Variants in SPAG16 observed in about 807,000 individuals in gnomAD.
SPAG16 encodes the protein sperm-associated antigen 16 protein.
A neutral mutation model predicts 80.4 loss-of-function variants in SPAG16; 86 were observed. That is an observed-to-expected ratio of 1.07 (90% CI 0.90 to 1.28). The LOEUF is 1.28. Among genes scored for constraint, SPAG16 ranks in the 50% most tolerant of loss-of-function variants. The pLI, the probability that SPAG16 is intolerant of heterozygous loss-of-function variation, is 0.00. For missense variants in SPAG16, 870 were observed against 765.3 expected, an observed-to-expected ratio of 1.14 and a Z score of -1.61; for synonymous variants, 294 against 265.9, an observed-to-expected ratio of 1.11 and a Z score of -1.03.
At chr2:214,092,494 A>AAT (rs1261466025) in intron 13 of SPAG16, among the ~76,000 whole-genome samples, 1 of 142,166 alleles carries the variant, frequency 7.0e-6, no homozygotes. Flanking sequence ...TGTTACTATG[A>AAT]ATATATATAT....
rs58408162 is a variant in SPAG16 at position 213,468,487 on chromosome 2, A to C, written c.943-21476A>C. The stretch of plus-strand genomic sequence containing the variant: ...TCTATGTATTTATATATAGATATAT[A>C]TATGTATTTATATATAGATATATAT... On this transcript the variant is annotated intron_variant, in intron 9 of 15. Coordinates refer to ENST00000331683, the MANE Select transcript of SPAG16 (RefSeq NM_024532.5). Among the ~76,000 whole-genome samples, 67 of 104,692 alleles carry C rather than the reference A, an allele frequency of 6.4e-4. 1 individual carries two copies. Among genetic ancestry groups the C allele is most frequent in the African/African-American group, 2.4e-3 (47 of 19,522 alleles). The allele number at this position is 104,692 out of a possible 152,430, so 68.7% of individuals were successfully genotyped here.
At chr2:213,471,772 G>T (rs2125660468) in intron 9 of SPAG16, among the ~76,000 whole-genome samples, 1 of 152,268 alleles carries the variant, frequency 6.6e-6, no homozygotes, top group East Asian at 1.9e-4. Flanking sequence ...GTAACTCGAT[G>T]AATAGGCCAC....
chr2:214,104,251 G>C (rs936832701), intron 13 of SPAG16, among the ~76,000 whole-genome samples: 3 of 152,206 alleles, frequency 2.0e-5, no homozygotes, highest in Non-Finnish European at 4.4e-5. Flanking sequence ...GATGAGGTCA[G>C]ATACAGAGAC....
chr2:214,253,067 A>G (rs1398433123), intron 15 of SPAG16, among the ~76,000 whole-genome samples: 2 of 142,628 alleles, frequency 1.4e-5, no homozygotes, highest in African/African-American at 5.2e-5. Context: ...GCTTTTTTTC[A>G]TATGTTTGTT....
intron 11 of SPAG16, among the ~76,000 whole-genome samples, chr2:213,920,334 G>A (rs1364967158): frequency 1.3e-5 from 2 of 152,152 alleles, no homozygotes; most frequent in Non-Finnish European, 2.9e-5. Flanking sequence ...CATGATGTTA[G>A]CTTGTTATGC....
At chr2:213,387,630 A>G (rs1407740745) in intron 9 of SPAG16, among the ~76,000 whole-genome samples, 1 of 146,816 alleles carries the variant, frequency 6.8e-6, no homozygotes, top group Non-Finnish European at 1.5e-5. Context: ...AATTTTTTGT[A>G]TTTTTAGTAG....
chr2:213,314,393 TAAAAC>T (rs141497604), intron 4 of SPAG16, among the ~76,000 whole-genome samples: 2 of 151,490 alleles, frequency 1.3e-5, no homozygotes, highest in African/African-American at 2.4e-5. Flanking sequence ...GGATATTTGT[TAAAAC>T]AAAACAAAAC....
At chr2:214,407,045 A>C (rs1702033532) in intron 15 of SPAG16, among the ~76,000 whole-genome samples, 1 of 152,122 alleles carries the variant, frequency 6.6e-6, no homozygotes, top group Non-Finnish European at 1.5e-5. Flanking sequence ...TGACATCCTT[A>C]TAACTTGAAT....
intron 2 of SPAG16, chr2:213,296,948 G>A (rs2062526933): frequency 3.0e-6 from 2 of 669,208 alleles, no homozygotes; most frequent in African/African-American, 2.0e-5. Context: ...ACTTGAGATG[G>A]GGCAAGAATG....
At chr2:213,765,556 A>C (rs2662680) in intron 10 of SPAG16, among the ~76,000 whole-genome samples, 1 of 151,994 alleles carries the variant, frequency 6.6e-6, no homozygotes, top group Non-Finnish European at 1.5e-5. Flanking sequence ...TTCTGTCTGC[A>C]TTCTTACATT....
At chr2:213,543,669 G>A (rs1319013897) in intron 10 of SPAG16, among the ~76,000 whole-genome samples, 1 of 151,806 alleles carries the variant, frequency 6.6e-6, no homozygotes, top group Non-Finnish European at 1.5e-5. Flanking sequence ...CTTTGTTCTT[G>A]ACCAAACAGC....
intron 14 of SPAG16, among the ~76,000 whole-genome samples, chr2:214,141,676 G>A (rs968447851): frequency 6.6e-6 from 1 of 152,060 alleles, no homozygotes; most frequent in East Asian, 1.9e-4. Flanking sequence ...TAGAATTTTA[G>A]GTTGAGGTTT....
Position 214,403,297 on chromosome 2 carries a change from A to AACC in SPAG16, c.1721-6843_1721-6842insACC, listed in dbSNP as rs1701816548. Among the ~76,000 whole-genome samples, 4 of 150,328 alleles carry AACC rather than the reference A, an allele frequency of 2.7e-5. No homozygotes were observed. In the Admixed American group the frequency reaches 2.7e-4, roughly 10 times the overall value. On this transcript the variant is annotated intron_variant, in intron 15 of 15. Coordinates refer to ENST00000331683, the MANE Select transcript of SPAG16 (RefSeq NM_024532.5). ...TAATTTTAAATTTTCTAGTGGACAC[A>AACC]TTTTTAAAGAACAGGTAAAATTGAT...
intron 15 of SPAG16, among the ~76,000 whole-genome samples, chr2:214,171,149 T>G (rs532578556): frequency 6.6e-6 from 1 of 152,086 alleles, no homozygotes; most frequent in East Asian, 1.9e-4. Flanking sequence ...TTTTCTAAGA[T>G]CATAACAACT....
chr2:213,287,078 A>G (rs1559371998), intron 1 of SPAG16, among the ~76,000 whole-genome samples: 1 of 152,084 alleles, frequency 6.6e-6, no homozygotes, highest in East Asian at 1.9e-4. Flanking sequence ...GTGAGATACA[A>G]ATATACATTG....
At position 214,149,220 on chromosome 2, in the gene SPAG16, C is replaced by A. The variant is rs376387182; in HGVS notation, c.1674C>A (p.Ile558=). ...GGAAGCTGTTACCAATTGTGTCCAT[C>A]GATATAGGTCCAAGTCCTGGCAATG... The part of the protein sequence containing the change: ...DFRKLLPIVS[I]DIGPSPGNEV... The change falls in exon 15 of 16, where the codon ATC becomes ATA. Residue 558 remains isoleucine, a synonymous_variant. Coordinates refer to ENST00000331683, the MANE Select transcript of SPAG16 (RefSeq NM_024532.5). 5.0e-6 allele frequency: 8 copies of A among 1,598,256 alleles called. No individual in the cohort carries two copies. The Admixed American group carries it at 1.2e-4, about 24-fold the overall frequency.
At chr2:214,069,387 T>C (rs1386178202) in intron 13 of SPAG16, among the ~76,000 whole-genome samples, 1 of 152,138 alleles carries the variant, frequency 6.6e-6, no homozygotes, top group Non-Finnish European at 1.5e-5. Context: ...TTTGCTTTCA[T>C]GACTCTTTCC....
chr2:214,157,343 A>C (rs1172673191), intron 15 of SPAG16, among the ~76,000 whole-genome samples: 2 of 152,164 alleles, frequency 1.3e-5, no homozygotes, highest in African/African-American at 4.8e-5. Flanking sequence ...TTTCATTAAA[A>C]TGTAATTTTA....
intron 9 of SPAG16, among the ~76,000 whole-genome samples, chr2:213,409,967 C>T (rs981673297): frequency 3.9e-5 from 6 of 151,954 alleles, no homozygotes; most frequent in Non-Finnish European, 7.4e-5. Context: ...TTCCGGTAAA[C>T]GGGAACCAGC....
Sources: gnomAD v4.1 joint callset for allele counts (sites outside exome capture counted in the v4.1 genomes callset) on GRCh38, gnomAD v4.1.1 for gene constraint, MANE v1.5 for transcripts, NCBI Gene and HGNC (gene_info 2026-07-23, HGNC 2026-07-21) for gene names.